Variants in SELENOW observed in about 807,000 individuals in gnomAD.
The protein encoded by SELENOW is selenoprotein W, also known as selenoprotein W, 1.
Under a neutral mutation model 16.6 loss-of-function variants are expected in SELENOW, and 20 were observed. The observed-to-expected ratio is 1.21, with a 90% confidence interval of 0.85 to 1.76. SELENOW has a LOEUF of 1.76. SELENOW is among the 40% of genes most tolerant of loss of function. SELENOW has a pLI of 0.00. For synonymous variants in SELENOW, 44 were observed against 46.2 expected, an observed-to-expected ratio of 0.95 and a Z score of 0.19; for missense variants, 124 against 111.0, an observed-to-expected ratio of 1.12 and a Z score of -0.53.
rs773551266 is a variant in SELENOW, at chr19:47,778,764, G to A, written c.-22G>A. 6.2e-7 allele frequency: 1 copy of A among 1,601,708 alleles called. No homozygotes were observed. Among genetic ancestry groups the A allele is most frequent in the Admixed American group, 1.7e-5 (1 of 58,386 alleles). ...GTGTGGCCCGGGCGTCCGCTCCTCA[G>A]CGGATGTGGCAGCCCCGAGCCATGG... is the stretch of plus-strand genomic sequence containing the variant. On this transcript the variant is annotated 5_prime_UTR_variant, in exon 1 of 6. Coordinates refer to ENST00000601048, the MANE Select transcript of SELENOW (RefSeq NM_003009.4).
At position 47,784,631 on chromosome 19, in the gene SELENOW, G is replaced by T. The variant is rs1337464625; in HGVS notation, c.*360G>T. Reference sequence around the variant, plus strand: ...CATCAGGATGGGTGGGTTTCTGATTGTGGCAACGTTTGCAACCGTTCACGA... The same window carrying T: ...CATCAGGATGGGTGGGTTTCTGATTTTGGCAACGTTTGCAACCGTTCACGA... On this transcript the variant is annotated 3_prime_UTR_variant, in exon 6 of 6. Transcript: ENST00000601048. 1 of 152,218 alleles carries T rather than the reference G, an allele frequency of 6.6e-6. No homozygotes were observed. Among genetic ancestry groups the T allele is most frequent in the African/African-American group, 2.4e-5 (1 of 41,442 alleles). The allele number at this position is 152,218 out of a possible 1,614,324, so 9.4% of individuals were successfully genotyped here.
rs1568608061 is a variant in SELENOW at position 47,781,175 on chromosome 19, C to CT, written c.177dup (p.Lys60Ter). On this transcript the variant is annotated frameshift_variant, in exon 4 of 6. Transcript: ENST00000601048. LOFTEE classifies it high-confidence loss of function. The stretch of plus-strand genomic sequence containing the variant: ...ATGGTAGCCGGGAAGTTGATTCACT[C>CT]TAAGAAGGTATGTCTGTCTGTCCGT... The CT allele has an allele frequency of 6.2e-7, 1 of 1,613,704 alleles. No homozygotes were observed.
chr19:47,778,912 C>T (rs1255289283), intron 1 of SELENOW, 98 bp downstream of exon 1: 9 of 1,289,952 alleles, frequency 7.0e-6, no homozygotes, highest in East Asian at 2.6e-5. Context: ...CCCATGGGAG[C>T]CCTTGTATGG....
chr19:47,780,687 T>C, intron 1 of SELENOW, 38 bp from the exon 2 acceptor site: 1 of 1,549,838 alleles, frequency 6.5e-7, no homozygotes, highest in East Asian at 2.4e-5. Context: ...CTTCTCCCTC[T>C]CTCCCCTGGG....
chr19:47,783,245 G>A (rs1054009293), intron 5 of SELENOW: 1 of 151,662 alleles, frequency 6.6e-6, no homozygotes, highest in African/African-American at 2.4e-5. Context: ...CTGTCGCCCA[G>A]GCTGGAGTGC....
Position 47,778,825 on chromosome 19 carries a change from C to A in SELENOW, c.29+11C>A, listed in dbSNP as rs746996333. 1 of 1,600,878 alleles carries A rather than the reference C, an allele frequency of 6.2e-7. No homozygotes were observed. Among genetic ancestry groups the A allele is most frequent in the South Asian group, 1.1e-5 (1 of 89,326 alleles). On this transcript the variant is annotated intron_variant, in intron 1 of 5. Transcript: ENST00000601048. ...CCGAGTCGTTTATTGGTAAGCCCAG[C>A]GGCCAGCGGCCCCCGTCCCCGACCC...
At chr19:47,783,715 C>T (rs150303614) in intron 5 of SELENOW, 3 of 152,266 alleles carry the variant, frequency 2.0e-5, no homozygotes, top group Admixed American at 6.5e-5. Context: ...TGAATTGGGA[C>T]GTGCCAATTT....
chr19:47,780,583 G>T lies in SELENOW; in HGVS notation c.30-142G>T, dbSNP rs1967461892. On this transcript the variant is annotated intron_variant, in intron 1 of 5. Transcript: ENST00000601048. ...CTTGAGGGCATCTGTCACCTCTTCTGCTTGGTCATCTGTGTTCCTCTTTAT... is the reference window on the plus strand; with the variant it reads ...CTTGAGGGCATCTGTCACCTCTTCTTCTTGGTCATCTGTGTTCCTCTTTAT... 1.3e-5 allele frequency: 9 copies of T among 687,622 alleles called. No homozygotes were observed. The East Asian group carries it at 2.5e-4, about 19-fold the overall frequency. 42.6% of individuals were successfully genotyped at this position (687,622 alleles called of 1,614,324 possible). A position where few individuals can be genotyped will look rare whatever the true frequency, so the allele number is the denominator to read the frequency against.
chr19:47,779,782 C>G (rs1411769078), intron 1 of SELENOW: 3 of 171,186 alleles, frequency 1.8e-5, no homozygotes, highest in African/African-American at 7.1e-5. Flanking sequence ...GCACTCCATC[C>G]TGGACAGCAG....
chr19:47,778,891 C>A, intron 1 of SELENOW, 77 bp downstream of exon 1: 3 of 1,449,400 alleles, frequency 2.1e-6, no homozygotes, highest in Non-Finnish European at 2.8e-6. Context: ...CAGGGAGCCC[C>A]GGGGAGAGGA....
In SELENOW at chr19:47,781,163, A is replaced by T; in HGVS notation, c.164A>T (p.Lys55Met). ...TGFFEVMVAGKLIHSKKKGDG... is the reference protein window; with the variant it reads ...TGFFEVMVAGMLIHSKKKGDG... ...TTCTTTGAAGTGATGGTAGCCGGGA[A>T]GTTGATTCACTCTAAGAAGGTATGT... is the stretch of plus-strand genomic sequence containing the variant. Residue 55 changes from lysine to methionine, a missense_variant, in exon 4 of 6, where the codon AAG becomes ATG. Coordinates refer to ENST00000601048, the MANE Select transcript of SELENOW (RefSeq NM_003009.4). 3 of 1,613,698 alleles carry T rather than the reference A, an allele frequency of 1.9e-6. No homozygotes were observed. The highest frequency in any genetic ancestry group is 1.3e-5 in the African/African-American group (1 of 74,988).
chr19:47,779,591 C>G (rs1199057242), intron 1 of SELENOW: 2 of 151,410 alleles, frequency 1.3e-5, no homozygotes, highest in Non-Finnish European at 2.9e-5. Context: ...TCGCTTGAGC[C>G]CAAGAGTTCG....
intron 1 of SELENOW, chr19:47,780,248 G>T (rs1321024781): frequency 8.0e-6 from 3 of 373,160 alleles, no homozygotes; most frequent in Non-Finnish European, 1.6e-5. Flanking sequence ...AAAATTAGCT[G>T]GGCGTGGTGT....
chr19:47,780,698 C>G, intron 1 of SELENOW, 27 bp from the exon 2 acceptor site: 2 of 1,553,254 alleles, frequency 1.3e-6, no homozygotes. Context: ...CTCCCCTGGG[C>G]CCCAATGTCT....
Position 47,781,280 on chromosome 19 carries a change from C to T in SELENOW, c.184-10C>T. 2 of 1,612,296 alleles carry T rather than the reference C, an allele frequency of 1.2e-6. No individual in the cohort carries two copies. Among genetic ancestry groups the T allele is most frequent in the South Asian group, 1.1e-5 (1 of 91,050 alleles). On this transcript the variant is annotated splice_polypyrimidine_tract_variant and intron_variant, in intron 4 of 5. Coordinates refer to ENST00000601048, the MANE Select transcript of SELENOW (RefSeq NM_003009.4). The stretch of plus-strand genomic sequence containing the variant: ...CCAGCTCACCCCTTCCCTCTTCCTC[C>T]CCTCCCTAGAAAGGCGATGGCTACG...
In SELENOW at chr19:47,784,473, A is replaced by C. The variant is rs1354451987; in HGVS notation, c.*202A>C. 2.0e-5 allele frequency: 3 copies of C among 152,150 alleles called. No individual in the cohort carries two copies. The highest frequency in any genetic ancestry group is 2.9e-5 in the Non-Finnish European group (2 of 67,990). The allele number at this position is 152,150 out of a possible 1,614,324, so 9.4% of individuals were successfully genotyped here. A position where few individuals can be genotyped will look rare whatever the true frequency, so the allele number is the denominator to read the frequency against. On this transcript the variant is annotated 3_prime_UTR_variant, in exon 6 of 6. Transcript: ENST00000601048. Reference sequence around the variant, plus strand: ...TGTATGTGTCTTCCCCGGAATCCACACCACCCCACCCTCCTCCTGTCCCGT... The same window carrying C: ...TGTATGTGTCTTCCCCGGAATCCACCCCACCCCACCCTCCTCCTGTCCCGT...
Position 47,781,303 on chromosome 19 carries a change from A to C in SELENOW, c.197A>C (p.Tyr66Ser). 8 of 1,613,604 alleles carry C rather than the reference A, an allele frequency of 5.0e-6. No individual in the cohort carries two copies. The highest frequency in any genetic ancestry group is 6.8e-6 in the Non-Finnish European group (8 of 1,179,608). Residue 66 changes from tyrosine to serine, a missense_variant, in exon 5 of 6, where the codon TAC becomes TCC. Coordinates refer to ENST00000601048, the MANE Select transcript of SELENOW (RefSeq NM_003009.4). ...LIHSKKKGDG[Y>S]VDTESKFLKL... ...TCCCCTCCCTAGAAAGGCGATGGCT[A>C]CGTGGACACAGAAAGCAAGTTTCTG...
rs1967466834 is a variant in SELENOW, at chr19:47,780,905, C to T, written c.96C>T (p.Gly32=). The stretch of plus-strand genomic sequence containing the variant: ...AGAAGTTAGAAGATGAGTTCCCCGG[C>T]CGCCTGGACATCGTGAGTCTTGGGA... ...LKKKLEDEFP[G]RLDICGEGTP... The change falls in exon 3 of 6, where the codon GGC becomes GGT. Residue 32 remains glycine (G), a synonymous_variant. Coordinates refer to ENST00000601048, the MANE Select transcript of SELENOW (RefSeq NM_003009.4). The T allele has an allele frequency of 1.2e-6, 2 of 1,613,258 alleles. No individual in the cohort carries two copies. Among genetic ancestry groups the T allele is most frequent in the Non-Finnish European group, 1.7e-6 (2 of 1,179,698 alleles).
At position 47,784,482 on chromosome 19, in the gene SELENOW, CCCT is replaced by C. The variant is rs1209505137; in HGVS notation, c.*218_*220del. The C allele has an allele frequency of 1.3e-5, 2 of 152,590 alleles. No individual in the cohort carries two copies. The allele number at this position is 152,590 out of a possible 1,614,324, so 9.5% of individuals were successfully genotyped here. On this transcript the variant is annotated 3_prime_UTR_variant, in exon 6 of 6. Coordinates refer to ENST00000601048, the MANE Select transcript of SELENOW (RefSeq NM_003009.4). ...CTTCCCCGGAATCCACACCACCCCA[CCCT>C]CCTCCTGTCCCGTGGTTTCATCATA...
Sources: gnomAD v4.1 joint callset for allele counts on GRCh38, gnomAD v4.1.1 for gene constraint, MANE v1.5 for transcripts, NCBI Gene and HGNC (gene_info 2026-07-23, HGNC 2026-07-21) for gene names.